The following KSR1 variants were observed in gnomAD, a reference collection of about 807,000 sequenced individuals.
KSR1 encodes the protein kinase suppressor of ras 1.
In KSR1, 35 loss-of-function variants were observed where a neutral mutation model predicts 92.9. That is an observed-to-expected ratio of 0.38 (90% CI 0.29 to 0.50). KSR1 has a LOEUF of 0.50. Among genes scored for constraint, KSR1 ranks in the 20% least tolerant of loss-of-function variants. The pLI, the probability that KSR1 is intolerant of heterozygous loss-of-function variation, is 0.94. For missense variants in KSR1, 972 were observed against 1,158.5 expected, an observed-to-expected ratio of 0.84 and a Z score of 2.34; for synonymous variants, 467 against 472.6, an observed-to-expected ratio of 0.99 and a Z score of 0.15.
intron 1 of KSR1, among the ~76,000 whole-genome samples, chr17:27,461,575 G>A (rs2019437724): frequency 6.6e-6 from 1 of 152,234 alleles, no homozygotes; most frequent in Admixed American, 6.5e-5. Context: ...ATACAGAGCT[G>A]GGGCTCTGGC....
At chr17:27,619,540 G>A (rs1264298310) in intron 19 of KSR1, among the ~76,000 whole-genome samples, 1 of 151,160 alleles carries the variant, frequency 6.6e-6, no homozygotes, top group Non-Finnish European at 1.5e-5. Context: ...TGGGACTATA[G>A]GCGCACGCTA....
chr17:27,515,424 T>G (rs1343635804), intron 1 of KSR1, among the ~76,000 whole-genome samples: 1 of 152,188 alleles, frequency 6.6e-6, no homozygotes, highest in African/African-American at 2.4e-5. Context: ...CAGAACGTAT[T>G]TCTGTCGTTA....
Position 27,577,778 on chromosome 17 carries a change from C to T in KSR1, c.520+139C>T. 1.3e-6 allele frequency: 1 copy of T among 758,272 alleles called. No homozygotes were observed. The highest frequency in any genetic ancestry group is 2.3e-6 in the Non-Finnish European group (1 of 436,622). 47.0% of individuals were successfully genotyped at this position (758,272 alleles called of 1,614,324 possible). ...CCTGGAAAGGCCAGGGTTGGATGTT[C>T]ACAGCCTCCTGAGAAGCTCTCCCAG... On this transcript the variant is annotated intron_variant, in intron 3 of 20. Coordinates refer to ENST00000644974, the MANE Select transcript of KSR1 (RefSeq NM_001394583.1). The surrounding 1 kb of genome is among the most constrained non-coding windows in gnomAD (Gnocchi z 4.5).
chr17:27,534,533 G>A (rs542303891), intron 1 of KSR1, among the ~76,000 whole-genome samples: 1 of 152,332 alleles, frequency 6.6e-6, no homozygotes, highest in Non-Finnish European at 1.5e-5. Context: ...AAAGCAGCTA[G>A]TCAGTGGCCG....
chr17:27,584,572 A>T (rs977869892), intron 4 of KSR1, among the ~76,000 whole-genome samples: 1 of 152,198 alleles, frequency 6.6e-6, no homozygotes, highest in Non-Finnish European at 1.5e-5. Flanking sequence ...TCTTCTCCCA[A>T]GAAGAGCATT....
At chr17:27,572,468 C>T (rs1395031672) in intron 2 of KSR1, among the ~76,000 whole-genome samples, 2 of 152,186 alleles carry the variant, frequency 1.3e-5, no homozygotes, top group Non-Finnish European at 2.9e-5. Flanking sequence ...TCCTTGGAGG[C>T]AGTACGGACT....
rs762204110 is a variant in KSR1 at position 27,605,472 on chromosome 17, C to T, written c.1653C>T (p.Asp551=). 1.5e-5 allele frequency: 24 copies of T among 1,608,702 alleles called. No homozygotes were observed. Among genetic ancestry groups the T allele is most frequent in the South Asian group, 1.4e-4 (13 of 89,776 alleles). Residue 551 remains aspartate, a synonymous_variant, in exon 14 of 21, where the codon GAC becomes GAT. Coordinates refer to ENST00000644974, the MANE Select transcript of KSR1 (RefSeq NM_001394583.1). ...EPEAGKSEAE[D]DEDEVDDLPS... ...AGGCTGGCAAGTCAGAGGCAGAAGA[C>T]GATGAGGACGAGGTGGACGACTTGC...
chr17:27,546,549 C>T (rs2071179528), intron 1 of KSR1, among the ~76,000 whole-genome samples: 1 of 152,144 alleles, frequency 6.6e-6, no homozygotes, highest in African/African-American at 2.4e-5. Context: ...GAAAGAGTCA[C>T]ACACAACACA....
At chr17:27,490,141 C>G (rs1240888276) in intron 1 of KSR1, among the ~76,000 whole-genome samples, 1 of 152,202 alleles carries the variant, frequency 6.6e-6, no homozygotes, top group Non-Finnish European at 1.5e-5. Flanking sequence ...TGGGACCTTA[C>G]AGAAATAACT....
Position 27,577,390 on chromosome 17 carries a change from C to A in KSR1, c.373-102C>A. The A allele has an allele frequency of 2.9e-6, 2 of 698,432 alleles. No homozygotes were observed. Among genetic ancestry groups the A allele is most frequent in the Admixed American group, 2.7e-5 (1 of 36,788 alleles). The allele number at this position is 698,432 out of a possible 1,614,324, so 43.3% of individuals were successfully genotyped here. ...TCTGGTCAGAGGCCGGCCCAGCCAGCAGCTGGCCCCTGCCACTCAGCAGGA... is the reference window on the plus strand; with the variant it reads ...TCTGGTCAGAGGCCGGCCCAGCCAGAAGCTGGCCCCTGCCACTCAGCAGGA... On this transcript the variant is annotated intron_variant, in intron 2 of 20. Transcript: ENST00000644974. This position sits in a 1 kb window ranked among gnomAD's most constrained non-coding sequence, Gnocchi z 4.5.
chr17:27,577,382 C>G lies in KSR1; in HGVS notation c.373-110C>G. The G allele has an allele frequency of 1.5e-6, 1 of 672,888 alleles. No homozygotes were observed. Among genetic ancestry groups the G allele is most frequent in the East Asian group, 2.8e-5 (1 of 36,180 alleles). The allele number at this position is 672,888 out of a possible 1,614,324, so 41.7% of individuals were successfully genotyped here. A position where few individuals can be genotyped will look rare whatever the true frequency, so the allele number is the denominator to read the frequency against. ...GTGGTGGCTCTGGTCAGAGGCCGGC[C>G]CAGCCAGCAGCTGGCCCCTGCCACT... On this transcript the variant is annotated intron_variant, in intron 2 of 20. Coordinates refer to ENST00000644974, the MANE Select transcript of KSR1 (RefSeq NM_001394583.1). The surrounding 1 kb of genome is among the most constrained non-coding windows in gnomAD (Gnocchi z 4.5).
chr17:27,488,275 C>T (rs2068726298), intron 1 of KSR1, among the ~76,000 whole-genome samples: 2 of 152,330 alleles, frequency 1.3e-5, no homozygotes, highest in Middle Eastern at 3.4e-3. Flanking sequence ...TAGACCCCTT[C>T]TGTGTTCCAC....
At chr17:27,496,647 C>T (rs1326869791) in intron 1 of KSR1, among the ~76,000 whole-genome samples, 2 of 152,128 alleles carry the variant, frequency 1.3e-5, no homozygotes, top group Non-Finnish European at 2.9e-5. Flanking sequence ...TTGCATGTGC[C>T]ATGGTAACCA....
At chr17:27,601,222 C>T in intron 10 of KSR1, 138 bp from the exon 11 acceptor site, 1 of 711,934 alleles carries the variant, frequency 1.4e-6, no homozygotes, top group Non-Finnish European at 2.4e-6. Context: ...TTGGCCTGTC[C>T]TTGCCAGGTC....
intron 3 of KSR1, among the ~76,000 whole-genome samples, chr17:27,582,197 G>A (rs1388060635): frequency 6.6e-6 from 1 of 152,142 alleles, no homozygotes; most frequent in East Asian, 1.9e-4. Context: ...GTAAAACAGA[G>A]ATCCAGGTTG....
intron 1 of KSR1, among the ~76,000 whole-genome samples, chr17:27,510,438 A>G (rs1026001760): frequency 6.6e-6 from 1 of 152,234 alleles, no homozygotes; most frequent in African/African-American, 2.4e-5. Flanking sequence ...TTGGTTGCCA[A>G]TAAAGCATGA....
chr17:27,546,236 TG>T (rs2071167931), intron 1 of KSR1, among the ~76,000 whole-genome samples: 1 of 152,288 alleles, frequency 6.6e-6, no homozygotes, highest in Non-Finnish European at 1.5e-5. Flanking sequence ...TAGTAGGAAC[TG>T]GGGATATGAG....
At chr17:27,528,310 GC>G (rs2070396326) in intron 1 of KSR1, among the ~76,000 whole-genome samples, 2 of 151,924 alleles carry the variant, frequency 1.3e-5, no homozygotes, top group South Asian at 4.2e-4. Context: ...CAGGTGATCT[GC>G]CCACCTCAAC....
chr17:27,604,236 C>T (rs2073671063), intron 12 of KSR1, among the ~76,000 whole-genome samples: 2 of 152,170 alleles, frequency 1.3e-5, no homozygotes. Flanking sequence ...CCGCATCTCA[C>T]CCTCAGCGCG....
Sources: allele counts gnomAD v4.1 joint callset (sites outside exome capture counted in the v4.1 genomes callset), GRCh38; gene constraint gnomAD v4.1.1; non-coding constraint Gnocchi (gnomAD v3.1); transcripts MANE v1.5; gene names NCBI Gene and HGNC (gene_info 2026-07-23, HGNC 2026-07-21).